The following CNNM2 variants were observed in gnomAD, a reference collection of about 807,000 sequenced individuals.
The protein encoded by CNNM2 is cyclin and CBS domain divalent metal cation transport mediator 2, also known as metal transporter CNNM2.
Under a neutral mutation model 66.9 loss-of-function variants are expected in CNNM2, and 12 were observed. That is an observed-to-expected ratio of 0.18 (90% CI 0.11 to 0.29). CNNM2 has a LOEUF of 0.29. Among genes scored for constraint, CNNM2 ranks in the 10% least tolerant of loss-of-function variants. The probability of loss-of-function intolerance (pLI) is 1.00; values close to 1 mark genes in which losing one functional copy is unlikely to be tolerated. For synonymous variants in CNNM2, 557 were observed against 501.8 expected, an observed-to-expected ratio of 1.11 and a Z score of -1.47; for missense variants, 705 against 1,167.7, an observed-to-expected ratio of 0.60 and a Z score of 5.77.
rs540823318 is a variant in CNNM2 at position 103,080,671 on chromosome 10, T to G, written c.*3491T>G. ...AAATGTTGAATGCAGAGCTTCACACTAATACGGAACAGTAACTGTGAGTAT... is the reference window on the plus strand; with the variant it reads ...AAATGTTGAATGCAGAGCTTCACACGAATACGGAACAGTAACTGTGAGTAT... On this transcript the variant is annotated 3_prime_UTR_variant, in exon 8 of 8. Transcript: ENST00000369878. 5 of 152,314 alleles carry G rather than the reference T, an allele frequency of 3.3e-5. No homozygotes were observed. The highest frequency in any genetic ancestry group is 3.3e-4 in the Admixed American group (5 of 15,300). The allele number at this position is 152,314 out of a possible 1,614,324, so 9.4% of individuals were successfully genotyped here.
At chr10:102,924,622 G>GTT (rs535792674) in intron 1 of CNNM2, among the ~76,000 whole-genome samples, 1 of 143,284 alleles carries the variant, frequency 7.0e-6, no homozygotes, top group East Asian at 2.0e-4. Flanking sequence ...CTAGGAAGTT[G>GTT]TTTTTTTTTT....
chr10:102,951,764 G>A (rs1012393031), intron 1 of CNNM2, among the ~76,000 whole-genome samples: 5 of 149,930 alleles, frequency 3.3e-5, no homozygotes, highest in Non-Finnish European at 7.4e-5. Context: ...TCAGCCTCTT[G>A]AGTAGCTGGC....
intron 1 of CNNM2, among the ~76,000 whole-genome samples, chr10:103,003,532 T>C (rs1314776037): frequency 6.6e-6 from 1 of 152,118 alleles, no homozygotes; most frequent in Non-Finnish European, 1.5e-5. Context: ...ATTATGCATG[T>C]CATGAAATAA....
chr10:103,056,671 C>A, intron 3 of CNNM2, 124 bp from the exon 4 acceptor site: 1 of 899,232 alleles, frequency 1.1e-6, no homozygotes, highest in South Asian at 1.5e-5. Context: ...ACGGAAGCCT[C>A]GTCCATTCAA....
At chr10:102,925,617 C>T (rs1300241281) in intron 1 of CNNM2, among the ~76,000 whole-genome samples, 1 of 152,174 alleles carries the variant, frequency 6.6e-6, no homozygotes, top group East Asian at 1.9e-4. Context: ...CTTCCTGCTC[C>T]AGCAGGCTGG....
At chr10:102,920,171 T>A (rs1231790206) in intron 1 of CNNM2, 70 bp downstream of exon 1, 8 of 1,612,758 alleles carry the variant, frequency 5.0e-6, no homozygotes, top group Non-Finnish European at 6.8e-6. Context: ...TTGAGTCCTC[T>A]ACCCTCAGAC....
At chr10:102,997,104 G>C (rs550505800) in intron 1 of CNNM2, among the ~76,000 whole-genome samples, 1 of 152,326 alleles carries the variant, frequency 6.6e-6, no homozygotes, top group South Asian at 2.1e-4. Flanking sequence ...CCTAAAGAAG[G>C]TGAAGAGAAA....
chr10:102,920,812 G>T (rs1213916600), intron 1 of CNNM2, among the ~76,000 whole-genome samples: 3 of 152,198 alleles, frequency 2.0e-5, no homozygotes, highest in African/African-American at 7.2e-5. Flanking sequence ...AGGTTAGCCA[G>T]CCTTTTGTGA....
At chr10:103,008,635 C>T (rs552546529) in intron 1 of CNNM2, among the ~76,000 whole-genome samples, 9 of 151,976 alleles carry the variant, frequency 5.9e-5, no homozygotes, top group South Asian at 2.1e-4. Context: ...AAAAATTAGC[C>T]GGGCGTGGTG....
In CNNM2 at chr10:102,964,443, G is replaced by A. The variant is rs10786730; in HGVS notation, c.1621+44342G>A. Among the ~76,000 whole-genome samples, 47,479 of 151,910 alleles carry A rather than the reference G, an allele frequency of 0.31. 7,540 individuals carry two copies. Among genetic ancestry groups the A allele is most frequent in the Middle Eastern group, 0.37 (109 of 294 alleles). On this transcript the variant is annotated intron_variant, in intron 1 of 7. Coordinates refer to ENST00000369878, the MANE Select transcript of CNNM2 (RefSeq NM_017649.5). Reference sequence around the variant, plus strand: ...AGGGTTTCACTGTGTTGGCCAGGCTGATCTTAAACTCCTGACCTTAAGTGA... The same window carrying A: ...AGGGTTTCACTGTGTTGGCCAGGCTAATCTTAAACTCCTGACCTTAAGTGA...
At chr10:102,966,109 T>C (rs2063459868) in intron 1 of CNNM2, among the ~76,000 whole-genome samples, 2 of 152,362 alleles carry the variant, frequency 1.3e-5, no homozygotes, top group South Asian at 2.1e-4. Flanking sequence ...GCAGATTTTA[T>C]ATTCAGTTGT....
intron 1 of CNNM2, among the ~76,000 whole-genome samples, chr10:103,030,017 G>T (rs1437358012): frequency 6.6e-6 from 1 of 152,198 alleles, no homozygotes; most frequent in African/African-American, 2.4e-5. Context: ...TCCAAGATGA[G>T]ATGATGCTTA....
chr10:103,034,923 G>T (rs531537303), intron 1 of CNNM2, among the ~76,000 whole-genome samples: 8 of 144,630 alleles, frequency 5.5e-5, no homozygotes, highest in African/African-American at 1.8e-4. Context: ...CCGAGATTGC[G>T]CCACTGCAGT....
At chr10:103,071,711 A>G in intron 5 of CNNM2, 63 bp from the exon 6 acceptor site, 1 of 1,285,158 alleles carries the variant, frequency 7.8e-7, no homozygotes. Context: ...CTGTCCCTTG[A>G]TTACAGAGAT....
chr10:102,942,660 C>G (rs1172225474), intron 1 of CNNM2, among the ~76,000 whole-genome samples: 1 of 152,130 alleles, frequency 6.6e-6, no homozygotes, highest in African/African-American at 2.4e-5. Context: ...GCTTTGAGTT[C>G]TTTTGGATAT....
intron 1 of CNNM2, among the ~76,000 whole-genome samples, chr10:102,923,178 G>A (rs1158312182): frequency 2.0e-5 from 3 of 151,730 alleles, no homozygotes; most frequent in Non-Finnish European, 4.4e-5. Flanking sequence ...GCCCAGGCTG[G>A]ATTCGAACTG....
intron 1 of CNNM2, among the ~76,000 whole-genome samples, chr10:102,933,894 G>A (rs554942547): frequency 4.7e-4 from 72 of 152,084 alleles, no homozygotes; most frequent in Non-Finnish European, 9.0e-4. Flanking sequence ...GATTGCAGTG[G>A]TACAGTCATA....
chr10:103,021,753 C>CT (rs1005288807), intron 1 of CNNM2, among the ~76,000 whole-genome samples: 2 of 136,902 alleles, frequency 1.5e-5, no homozygotes, highest in African/African-American at 5.4e-5. Context: ...TCTATGGACT[C>CT]TTTCCCCCAG....
Position 103,012,639 on chromosome 10 carries a change from C to CT in CNNM2, c.1622-37046dup, listed in dbSNP as rs78646079. ...CTCCAGCCTGGGAAACAGAGCAAGA[C>CT]TTTTTTTTTTTTTTTTTTTTTTAAA... On this transcript the variant is annotated intron_variant, in intron 1 of 7. Transcript: ENST00000369878. Among the ~76,000 whole-genome samples the CT allele has an allele frequency of 0.28, 33,596 of 117,892 alleles. 4,759 individuals carry two copies. Among genetic ancestry groups the CT allele is most frequent in the Non-Finnish European group, 0.32 (18,348 of 57,886 alleles). The allele number at this position is 117,892 out of a possible 152,430, so 77.3% of individuals were successfully genotyped here.
Sources: gnomAD v4.1 joint callset for allele counts (sites outside exome capture counted in the v4.1 genomes callset) on GRCh38, gnomAD v4.1.1 for gene constraint, MANE v1.5 for transcripts, NCBI Gene and HGNC (gene_info 2026-07-23, HGNC 2026-07-21) for gene names.